The following CDH18 variants were observed in gnomAD, a reference collection of about 807,000 sequenced individuals.
CDH18 encodes the protein cadherin-18.
A neutral mutation model predicts 67.9 loss-of-function variants in CDH18; 31 were observed. The ratio of observed to expected loss-of-function variants is 0.46; its 90% confidence interval spans 0.34 to 0.62. The LOEUF is 0.62. Ranked by LOEUF, CDH18 falls within the 20% of genes least tolerant of loss-of-function variation. The pLI is 0.01. For synonymous variants in CDH18, 362 were observed against 347.2 expected, an observed-to-expected ratio of 1.04 and a Z score of -0.48; for missense variants, 890 against 975.5, an observed-to-expected ratio of 0.91 and a Z score of 1.17.
chr5:19,892,274 G>A (rs988578682), intron 2 of CDH18, among the ~76,000 whole-genome samples: 18 of 152,176 alleles, frequency 1.2e-4, no homozygotes, highest in African/African-American at 4.3e-4. Flanking sequence ...TCTAGCTAAT[G>A]TTAGTTTACC....
intron 2 of CDH18, among the ~76,000 whole-genome samples, chr5:20,185,247 T>C (rs922556416): frequency 2.2e-4 from 33 of 152,084 alleles, no homozygotes; most frequent in African/African-American, 7.2e-4. Flanking sequence ...GCAGCCTCAC[T>C]GCCAACATCT....
At chr5:19,981,296 A>AGATCTACAG (rs1799007692) in intron 1 of CDH18, 118 bp from the exon 2 acceptor site, 1 of 139,220 alleles carries the variant, frequency 7.2e-6, no homozygotes, top group Non-Finnish European at 1.6e-5. Context: ...GTTCTTAAAC[A>AGATCTACAG]GATCTACAGG....
At chr5:20,077,852 A>C (rs1193450505) in intron 2 of CDH18, among the ~76,000 whole-genome samples, 1 of 152,176 alleles carries the variant, frequency 6.6e-6, no homozygotes. Flanking sequence ...AACAAAACAA[A>C]AACTTTCACT....
chr5:20,540,216 A>T (rs1480456561), intron 1 of CDH18, among the ~76,000 whole-genome samples: 1 of 152,190 alleles, frequency 6.6e-6, no homozygotes. Flanking sequence ...TTTAAGCCTC[A>T]TTGTACTTAC....
At position 20,169,948 on chromosome 5, in the gene CDH18, TAAAC is replaced by T. The variant is rs1400393026; in HGVS notation, c.-518+85492_-518+85495del. ...ATGTCTTTTACTTCAATTTCAGTATTAAACAATAAGTTTTTAAAGTAAATAATTT... is the reference window on the plus strand; with the variant it reads ...ATGTCTTTTACTTCAATTTCAGTATTAATAAGTTTTTAAAGTAAATAATTT... On this transcript the variant is annotated intron_variant, in intron 2 of 14. Coordinates refer to the CDH18 transcript ENST00000507958. Among the ~76,000 whole-genome samples, 9 of 152,108 alleles carry T rather than the reference TAAAC, an allele frequency of 5.9e-5. 1 individual carries two copies. The highest frequency in any genetic ancestry group is 1.2e-4 in the Non-Finnish European group (8 of 68,000).
chr5:20,493,217 C>G (rs1279061024), intron 1 of CDH18, among the ~76,000 whole-genome samples: 1 of 151,682 alleles, frequency 6.6e-6, no homozygotes, highest in Non-Finnish European at 1.5e-5. Flanking sequence ...AGCATGGTGA[C>G]ACTTGCCTGT....
chr5:20,556,746 G>A (rs1050003768), intron 1 of CDH18, among the ~76,000 whole-genome samples: 1 of 152,100 alleles, frequency 6.6e-6, no homozygotes, highest in Admixed American at 6.6e-5. Context: ...AATTAAGAAG[G>A]TGTTAAGTTA....
At chr5:19,692,616 A>G (rs796213354) in intron 5 of CDH18, among the ~76,000 whole-genome samples, 1 of 152,168 alleles carries the variant, frequency 6.6e-6, no homozygotes, top group African/African-American at 2.4e-5. Flanking sequence ...AATGGCCAAC[A>G]GGTATAAGAA....
At chr5:20,238,192 T>C (rs1195142987) in intron 2 of CDH18, among the ~76,000 whole-genome samples, 1 of 151,972 alleles carries the variant, frequency 6.6e-6, no homozygotes, top group Non-Finnish European at 1.5e-5. Context: ...TAAGATAAAA[T>C]GGTTGTGATC....
chr5:19,723,830 C>T (rs1766447000), intron 4 of CDH18, among the ~76,000 whole-genome samples: 1 of 152,108 alleles, frequency 6.6e-6, no homozygotes, highest in Admixed American at 6.5e-5. Flanking sequence ...TCTCCTGTCT[C>T]AGCCTCCTGC....
intron 3 of CDH18, among the ~76,000 whole-genome samples, chr5:19,800,720 G>C (rs1170888268): frequency 6.6e-6 from 1 of 151,978 alleles, no homozygotes; most frequent in Non-Finnish European, 1.5e-5. Context: ...AATAGACTCT[G>C]GTTAAAACAA....
At chr5:20,242,246 TAAAC>T (rs941993582) in intron 2 of CDH18, among the ~76,000 whole-genome samples, 27 of 152,152 alleles carry the variant, frequency 1.8e-4, no homozygotes, top group African/African-American at 6.0e-4. Flanking sequence ...ATTAGGATAA[TAAAC>T]AAACTTATCA....
intron 7 of CDH18, among the ~76,000 whole-genome samples, chr5:19,588,241 G>T (rs1362920666): frequency 1.3e-5 from 2 of 151,936 alleles, no homozygotes; most frequent in East Asian, 1.9e-4. Flanking sequence ...AAGAAAATTT[G>T]ATTTCCTCTC....
chr5:20,334,861 C>T (rs753332737), intron 1 of CDH18, among the ~76,000 whole-genome samples: 20 of 151,934 alleles, frequency 1.3e-4, no homozygotes, highest in Non-Finnish European at 2.1e-4. Context: ...AGACTCCTCT[C>T]TTTTTCTCTC....
At chr5:20,334,359 G>C (rs1162058564) in intron 1 of CDH18, among the ~76,000 whole-genome samples, 1 of 151,108 alleles carries the variant, frequency 6.6e-6, no homozygotes, top group African/African-American at 2.4e-5. Context: ...GGATGGTCTC[G>C]ATCTCCTGAC....
At chr5:19,963,858 T>A (rs13153690) in intron 2 of CDH18, among the ~76,000 whole-genome samples, 64,943 of 151,862 alleles carry the variant, frequency 0.43, 16,206 homozygotes, top group Middle Eastern at 0.66. Flanking sequence ...GAAACAAACA[T>A]CTTCTTCACA....
chr5:20,498,801 A>T (rs1754065038), intron 1 of CDH18, among the ~76,000 whole-genome samples: 2 of 152,080 alleles, frequency 1.3e-5, no homozygotes, highest in Admixed American at 1.3e-4. Context: ...AATTTTGTTA[A>T]TATTACAAAT....
chr5:19,686,702 C>T (rs1160511343), intron 5 of CDH18, among the ~76,000 whole-genome samples: 1 of 152,036 alleles, frequency 6.6e-6, no homozygotes, highest in African/African-American at 2.4e-5. Flanking sequence ...GTTTTCAGAA[C>T]AAGATTTACA....
At chr5:19,772,068 T>C (rs1203234829) in intron 3 of CDH18, among the ~76,000 whole-genome samples, 1 of 152,182 alleles carries the variant, frequency 6.6e-6, no homozygotes, top group Non-Finnish European at 1.5e-5. Context: ...AGAATTTTTC[T>C]CTAAGATGAT....
Sources: allele counts gnomAD v4.1 joint callset (sites outside exome capture counted in the v4.1 genomes callset), GRCh38; gene constraint gnomAD v4.1.1; transcripts MANE v1.5; gene names NCBI Gene and HGNC (gene_info 2026-07-23, HGNC 2026-07-21).